CBFA2T2: variants seen among roughly 807,000 people sequenced by gnomAD.
The protein encoded by CBFA2T2 is CBFA2/RUNX1 partner transcriptional co-repressor 2.
A neutral mutation model predicts 62.2 loss-of-function variants in CBFA2T2; 11 were observed. The observed-to-expected ratio is 0.18, with a 90% CI of 0.11 to 0.29. CBFA2T2 has a LOEUF of 0.29. Ranked by LOEUF, CBFA2T2 falls within the 10% of genes least tolerant of loss-of-function variation. The pLI, the probability that CBFA2T2 is intolerant of heterozygous loss-of-function variation, is 1.00. For synonymous variants in CBFA2T2, 295 were observed against 287.5 expected, an observed-to-expected ratio of 1.03 and a Z score of -0.27; for missense variants, 592 against 774.1, an observed-to-expected ratio of 0.76 and a Z score of 2.79.
intron 3 of CBFA2T2, among the ~76,000 whole-genome samples, chr20:33,617,492 T>A (rs553803075): frequency 6.6e-6 from 1 of 152,326 alleles, no homozygotes; most frequent in East Asian, 1.9e-4. Context: ...CTGAGTCCAT[T>A]TCTCTGGCCT....
intron 1 of CBFA2T2, among the ~76,000 whole-genome samples, chr20:33,601,619 C>T (rs549459911): frequency 2.5e-4 from 38 of 151,842 alleles, no homozygotes; most frequent in Non-Finnish European, 4.9e-4. Context: ...TGGCCAGCTT[C>T]TTTGGAATGA....
chr20:33,630,264 CA>C (rs952977914), intron 8 of CBFA2T2, among the ~76,000 whole-genome samples: 4 of 152,012 alleles, frequency 2.6e-5, no homozygotes, highest in African/African-American at 9.7e-5. Context: ...TTGGCGTGTT[CA>C]AAAAATGTTA....
intron 1 of CBFA2T2, among the ~76,000 whole-genome samples, chr20:33,500,625 C>A (rs8124351): frequency 0.023 from 3,443 of 152,178 alleles, 125 homozygotes; most frequent in African/African-American, 0.078. Context: ...GGGAGAATCA[C>A]TTGAACCTGG....
chr20:33,564,950 C>T (rs191428690), intron 1 of CBFA2T2, among the ~76,000 whole-genome samples: 1 of 152,040 alleles, frequency 6.6e-6, no homozygotes, highest in African/African-American at 2.4e-5. Flanking sequence ...GACGGAGTCT[C>T]GCTCTGTCAC....
chr20:33,625,286 AGCCAGTC>A (rs1237213133), intron 6 of CBFA2T2, among the ~76,000 whole-genome samples: 2 of 152,024 alleles, frequency 1.3e-5, no homozygotes, highest in Non-Finnish European at 2.9e-5. Flanking sequence ...GATCACTTGA[AGCCAGTC>A]TGGGCAACAT....
At chr20:33,500,992 C>A (rs1325795941) in intron 1 of CBFA2T2, among the ~76,000 whole-genome samples, 2 of 152,142 alleles carry the variant, frequency 1.3e-5, no homozygotes, top group Non-Finnish European at 2.9e-5. Flanking sequence ...TATGGATCAT[C>A]AAATATAGTA....
intron 1 of CBFA2T2, among the ~76,000 whole-genome samples, chr20:33,521,541 C>T (rs1224999997): frequency 1.3e-5 from 2 of 152,082 alleles, no homozygotes; most frequent in Non-Finnish European, 2.9e-5. Flanking sequence ...GAAATGCTGA[C>T]CTGGGCTTGC....
At chr20:33,577,166 C>T (rs1450377714) in intron 1 of CBFA2T2, among the ~76,000 whole-genome samples, 2 of 152,218 alleles carry the variant, frequency 1.3e-5, no homozygotes, top group African/African-American at 4.8e-5. Context: ...GTTAAATAAT[C>T]ATTTCAGTAA....
At chr20:33,531,624 C>CT in intron 1 of CBFA2T2, among the ~76,000 whole-genome samples, 1 of 152,248 alleles carries the variant, frequency 6.6e-6, no homozygotes, top group Admixed American at 6.5e-5. Flanking sequence ...ACTGTGTAGG[C>CT]ATAAATGAGA....
At position 33,552,075 on chromosome 20, in the gene CBFA2T2, GT is replaced by G. The variant is rs57034549; in HGVS notation, c.35-54866del. ...ACTTTTGAGTTTGATTGCTTCCCTG[GT>G]TTTTTTTTTTTTTTAAGTTGACAAA... On this transcript the variant is annotated intron_variant, in intron 1 of 10. Transcript: ENST00000342704. Among the ~76,000 whole-genome samples the G allele has an allele frequency of 7.4e-3, 1,010 of 136,804 alleles. 1 individual carries two copies. Among genetic ancestry groups the G allele is most frequent in the Non-Finnish European group, 0.01 (650 of 62,134 alleles). 89.7% of individuals were successfully genotyped at this position (136,804 alleles called of 152,430 possible).
intron 1 of CBFA2T2, among the ~76,000 whole-genome samples, chr20:33,559,832 A>C (rs1054973993): frequency 1.4e-4 from 22 of 152,224 alleles, no homozygotes; most frequent in African/African-American, 5.3e-4. Context: ...CATCTTTGTT[A>C]GTGGGAGCCT....
chr20:33,539,801 C>G (rs1435351778), intron 1 of CBFA2T2, among the ~76,000 whole-genome samples: 1 of 151,964 alleles, frequency 6.6e-6, no homozygotes, highest in Non-Finnish European at 1.5e-5. Flanking sequence ...ATCCTCCCAC[C>G]TCAGCATCCT....
chr20:33,615,803 G>T (rs1032577886), intron 3 of CBFA2T2, among the ~76,000 whole-genome samples: 6 of 152,074 alleles, frequency 3.9e-5, no homozygotes, highest in African/African-American at 1.4e-4. Context: ...TCACTCATGG[G>T]ACCCAAGGGA....
intron 1 of CBFA2T2, among the ~76,000 whole-genome samples, chr20:33,503,380 G>A (rs1285880647): frequency 6.8e-6 from 1 of 147,828 alleles, no homozygotes; most frequent in Non-Finnish European, 1.5e-5. Context: ...TCAGCCTCCC[G>A]ACTAGCTGGG....
chr20:33,524,338 ATAT>A (rs1215930378), intron 1 of CBFA2T2, among the ~76,000 whole-genome samples: 3 of 152,070 alleles, frequency 2.0e-5, no homozygotes, highest in Non-Finnish European at 4.4e-5. Flanking sequence ...TCTCTTTTTC[ATAT>A]TATTATGATT....
chr20:33,563,143 A>G (rs933480568), intron 1 of CBFA2T2, among the ~76,000 whole-genome samples: 6 of 152,218 alleles, frequency 3.9e-5, no homozygotes, highest in African/African-American at 1.4e-4. Context: ...AGCAAAACTA[A>G]CAGCATCTCT....
chr20:33,606,303 C>A (rs1201174362), intron 1 of CBFA2T2, among the ~76,000 whole-genome samples: 4 of 152,172 alleles, frequency 2.6e-5, no homozygotes, highest in Admixed American at 2.6e-4. Flanking sequence ...CCTTTCTCAG[C>A]CACTATCTAA....
intron 1 of CBFA2T2, among the ~76,000 whole-genome samples, chr20:33,544,273 C>G (rs2012477401): frequency 6.6e-6 from 1 of 152,172 alleles, no homozygotes; most frequent in Non-Finnish European, 1.5e-5. Flanking sequence ...TAACTTCTTG[C>G]AGTTCCTTGA....
chr20:33,648,249 C>T lies in CBFA2T2; in HGVS notation c.*3603C>T, dbSNP rs775511682. On this transcript the variant is annotated 3_prime_UTR_variant, in exon 11 of 11. Transcript: ENST00000342704. Reference sequence around the variant, plus strand: ...GAAACCTAGAAACTAAAAAGAGATGCAACATGTGACTGGCCATCAGCCAGA... The same window carrying T: ...GAAACCTAGAAACTAAAAAGAGATGTAACATGTGACTGGCCATCAGCCAGA... The T allele has an allele frequency of 6.6e-6, 1 of 152,226 alleles. No homozygotes were observed. The highest frequency in any genetic ancestry group is 1.5e-5 in the Non-Finnish European group (1 of 68,064). 9.4% of individuals were successfully genotyped at this position (152,226 alleles called of 1,614,324 possible).
Sources: gnomAD v4.1 joint callset for allele counts (sites outside exome capture counted in the v4.1 genomes callset) on GRCh38, gnomAD v4.1.1 for gene constraint, MANE v1.5 for transcripts, NCBI Gene and HGNC (gene_info 2026-07-23, HGNC 2026-07-21) for gene names.